NRCAM: variants seen among roughly 807,000 people sequenced by gnomAD.
The protein encoded by NRCAM is NgCAM-related cell adhesion molecule.
In NRCAM, 83 loss-of-function variants were observed where a neutral mutation model predicts 156.5. The observed-to-expected ratio is 0.53, with a 90% CI of 0.44 to 0.64. NRCAM has a LOEUF of 0.64. Ranked by LOEUF, NRCAM falls within the 30% of genes least tolerant of loss-of-function variation. The pLI, the probability that NRCAM is intolerant of heterozygous loss-of-function variation, is 0.00. For synonymous variants in NRCAM, 538 were observed against 563.9 expected, an observed-to-expected ratio of 0.95 and a Z score of 0.65; for missense variants, 1,417 against 1,597.3, an observed-to-expected ratio of 0.89 and a Z score of 1.92.
At chr7:108,193,859 G>A (rs1018042631) in intron 17 of NRCAM, among the ~76,000 whole-genome samples, 165 bp downstream of exon 17, 5 of 152,110 alleles carry the variant, frequency 3.3e-5, no homozygotes, top group Admixed American at 1.3e-4. Flanking sequence ...ACCTTCTTGG[G>A]TGCATATATT....
rs377166859 is a variant in NRCAM, at chr7:108,176,656, G to T, written c.2975-50C>A. ...GTGCATTCTCCATTAACTGCTATAGGAATACTATTATAAATAAATACGTCA... is the reference window on the plus strand; with the variant it reads ...GTGCATTCTCCATTAACTGCTATAGTAATACTATTATAAATAAATACGTCA... On this transcript the variant is annotated intron_variant, in intron 26 of 32. Coordinates refer to ENST00000379028, the MANE Select transcript of NRCAM (RefSeq NM_001037132.4). 9.8e-5 allele frequency: 132 copies of T among 1,350,638 alleles called. No individual in the cohort carries two copies. In the African/African-American group the frequency reaches 1.7e-3, roughly 18 times the overall value. 83.7% of individuals were successfully genotyped at this position (1,350,638 alleles called of 1,614,324 possible).
chr7:108,400,820 G>A (rs1393028321), intron 1 of NRCAM, among the ~76,000 whole-genome samples: 4 of 152,120 alleles, frequency 2.6e-5, no homozygotes, highest in Non-Finnish European at 4.4e-5. Context: ...GAGAAAGCCA[G>A]ATGGATCATG....
At chr7:108,265,406 C>T (rs982901110) in intron 3 of NRCAM, among the ~76,000 whole-genome samples, 3 of 152,152 alleles carry the variant, frequency 2.0e-5, no homozygotes, top group Non-Finnish European at 4.4e-5. Context: ...CACAGCACAG[C>T]TTTTTTGGGG....
chr7:108,277,058 T>A (rs1377967457), intron 3 of NRCAM, among the ~76,000 whole-genome samples: 5 of 152,206 alleles, frequency 3.3e-5, no homozygotes, highest in Non-Finnish European at 7.3e-5. Context: ...TGTTGAATAT[T>A]GGCCCCCACT....
chr7:108,338,631 G>A (rs112738741), intron 2 of NRCAM, among the ~76,000 whole-genome samples: 5 of 87,200 alleles, frequency 5.7e-5, no homozygotes, highest in South Asian at 3.9e-4. Flanking sequence ...CACAGAGAGG[G>A]GAGAGACACA....
intron 1 of NRCAM, among the ~76,000 whole-genome samples, chr7:108,449,154 T>G (rs560144059): frequency 3.3e-5 from 5 of 152,300 alleles, no homozygotes; most frequent in African/African-American, 1.2e-4. Context: ...TAACTAGATG[T>G]TTACCAAGTG....
chr7:108,208,719 G>T (rs1218931300), intron 12 of NRCAM, among the ~76,000 whole-genome samples: 1 of 152,088 alleles, frequency 6.6e-6, no homozygotes, highest in African/African-American at 2.4e-5. Context: ...CTGTCTTACG[G>T]CTTAGGTTTG....
intron 2 of NRCAM, among the ~76,000 whole-genome samples, chr7:108,317,801 A>G (rs2098946190): frequency 6.6e-6 from 1 of 151,172 alleles, no homozygotes; most frequent in African/African-American, 2.4e-5. Context: ...CCCAGCTCCT[A>G]GGGAGGCTGA....
At chr7:108,207,431 T>C (rs780099675) in intron 13 of NRCAM, 97 bp downstream of exon 13, 1 of 1,324,714 alleles carries the variant, frequency 7.5e-7, no homozygotes, top group Non-Finnish European at 1.0e-6. Context: ...GCTTCCTTCC[T>C]TAACCTGAGT....
chr7:108,376,888 G>C (rs1285124932), intron 2 of NRCAM, among the ~76,000 whole-genome samples: 5 of 152,212 alleles, frequency 3.3e-5, no homozygotes, highest in Non-Finnish European at 5.9e-5. Context: ...GAGTGGGCCA[G>C]GTGCAGTGGC....
intron 1 of NRCAM, among the ~76,000 whole-genome samples, chr7:108,420,928 A>G (rs1197800306): frequency 6.6e-6 from 1 of 152,222 alleles, no homozygotes; most frequent in Non-Finnish European, 1.5e-5. Context: ...TTCATGAGGA[A>G]TATCTCTTTA....
chr7:108,175,488 G>C, intron 27 of NRCAM, 131 bp from the exon 28 acceptor site: 1 of 746,100 alleles, frequency 1.3e-6, no homozygotes, highest in East Asian at 3.0e-5. Context: ...ACCACATCAG[G>C]TATAGGGGAC....
At chr7:108,369,164 T>G (rs1050917022) in intron 2 of NRCAM, among the ~76,000 whole-genome samples, 19 of 152,108 alleles carry the variant, frequency 1.2e-4, no homozygotes, top group African/African-American at 4.6e-4. Flanking sequence ...TGTTAGCAAG[T>G]TTCAGAATAT....
intron 3 of NRCAM, among the ~76,000 whole-genome samples, chr7:108,310,409 G>A (rs545183103): frequency 2.4e-4 from 36 of 152,256 alleles, no homozygotes; most frequent in South Asian, 4.1e-4. Flanking sequence ...TACACATTAG[G>A]GTTAATGGCA....
rs914210959 is a variant in NRCAM, at chr7:108,218,177, G to T, written c.890+5548C>A. ...TCCCTCACGGCTTCCCTTGGCTGGGGGGGGGGGGGAGTTCCCCGACCCCTT... is the reference window on the plus strand; with the variant it reads ...TCCCTCACGGCTTCCCTTGGCTGGGTGGGGGGGGGAGTTCCCCGACCCCTT... On this transcript the variant is annotated intron_variant, in intron 11 of 32. Coordinates refer to ENST00000379028, the MANE Select transcript of NRCAM (RefSeq NM_001037132.4). Among the ~76,000 whole-genome samples, 67 of 151,270 alleles carry T rather than the reference G, an allele frequency of 4.4e-4. No homozygotes were observed. The East Asian group carries it at 6.0e-3, about 14-fold the overall frequency.
rs1176495311 is a variant in NRCAM at position 108,178,111 on chromosome 7, G to GACTTACAGTGAGA, written c.2852-12_2852dup (p.Pro952LeufsTer46). ...TCTTCAAAGACGAGGGAGCACTGGG[G>GACTTACAGTGAGA]ACTTACAGTGAGAACTTACAGTCAA... On this transcript the variant is annotated frameshift_variant and splice_region_variant, in exon 26 of 33. Coordinates refer to ENST00000379028, the MANE Select transcript of NRCAM (RefSeq NM_001037132.4). LOFTEE classifies it high-confidence loss of function. The GACTTACAGTGAGA allele has an allele frequency of 6.2e-7, 1 of 1,609,472 alleles. No individual in the cohort carries two copies. The highest frequency in any genetic ancestry group is 1.7e-5 in the Admixed American group (1 of 58,678).
intron 2 of NRCAM, among the ~76,000 whole-genome samples, chr7:108,369,221 T>C (rs890175815): frequency 6.6e-6 from 1 of 152,136 alleles, no homozygotes; most frequent in African/African-American, 2.4e-5. Flanking sequence ...AGTAATTTTA[T>C]ATTTATAGGA....
intron 3 of NRCAM, among the ~76,000 whole-genome samples, chr7:108,278,089 G>A (rs2097709222): frequency 6.6e-6 from 1 of 152,178 alleles, no homozygotes; most frequent in Admixed American, 6.5e-5. Context: ...AAGTATTGCT[G>A]CCTGATCCTT....
intron 11 of NRCAM, among the ~76,000 whole-genome samples, chr7:108,214,169 T>C (rs1445933271): frequency 2.6e-5 from 4 of 152,238 alleles, no homozygotes; most frequent in Non-Finnish European, 4.4e-5. Context: ...TCAGAAGGAA[T>C]GGTACCAGCT....
Sources: gnomAD v4.1 joint callset for allele counts (sites outside exome capture counted in the v4.1 genomes callset) on GRCh38, gnomAD v4.1.1 for gene constraint, MANE v1.5 for transcripts, NCBI Gene and HGNC (gene_info 2026-07-23, HGNC 2026-07-21) for gene names.